FGGY: variants seen among roughly 807,000 people sequenced by gnomAD.
FGGY encodes the protein FGGY carbohydrate kinase domain-containing protein.
In FGGY, 72 loss-of-function variants were observed where a neutral mutation model predicts 71.3. The ratio of observed to expected loss-of-function variants is 1.01; its 90% CI spans 0.84 to 1.23. The LOEUF (loss-of-function observed/expected upper bound fraction) is 1.23. Ranked by LOEUF, FGGY falls within the 50% of genes most tolerant of loss-of-function variation. FGGY has a pLI of 0.00. For missense variants in FGGY, 668 were observed against 682.3 expected, an observed-to-expected ratio of 0.98 and a Z score of 0.23; for synonymous variants, 251 against 250.3, an observed-to-expected ratio of 1.00 and a Z score of -0.02.
rs2097261513 is a variant in FGGY, at chr1:59,660,209, A to C, written c.1222-10A>C. The C allele has an allele frequency of 1.9e-6, 3 of 1,612,616 alleles. No homozygotes were observed. The African/African-American group carries it at 4.0e-5, about 22-fold the overall frequency. On this transcript the variant is annotated splice_polypyrimidine_tract_variant and intron_variant, in intron 11 of 15. Coordinates refer to ENST00000303721, the MANE Select transcript of FGGY (RefSeq NM_018291.5). ...ACCATCTTCTTCTTTTCTTCCCTTCATGCCTGCAGGTCACCGGATTGAAAC... is the reference window on the plus strand; with the variant it reads ...ACCATCTTCTTCTTTTCTTCCCTTCCTGCCTGCAGGTCACCGGATTGAAAC...
chr1:59,722,620 T>A (rs1017895822), intron 14 of FGGY, among the ~76,000 whole-genome samples: 9 of 152,234 alleles, frequency 5.9e-5, no homozygotes, highest in African/African-American at 1.9e-4. Flanking sequence ...TGGCAACTCC[T>A]CAGTTGGCTC....
intron 10 of FGGY, among the ~76,000 whole-genome samples, chr1:59,631,931 C>G (rs1409573362): frequency 6.6e-6 from 1 of 152,168 alleles, no homozygotes; most frequent in Non-Finnish European, 1.5e-5. Flanking sequence ...TTCCTCTAAA[C>G]TTGATTCTCT....
chr1:59,392,318 C>T (rs1222601388), intron 5 of FGGY, among the ~76,000 whole-genome samples: 1 of 152,170 alleles, frequency 6.6e-6, no homozygotes, highest in Non-Finnish European at 1.5e-5. Context: ...GTCTTGGAAT[C>T]AAGTGGCACT....
intron 8 of FGGY, among the ~76,000 whole-genome samples, chr1:59,576,393 C>T (rs1239322298): frequency 6.6e-6 from 1 of 151,538 alleles, no homozygotes; most frequent in Non-Finnish European, 1.5e-5. Context: ...ACACTGAGGC[C>T]AGTCGGGGGG....
At chr1:59,616,027 CACTGT>C (rs2096749256) in intron 9 of FGGY, among the ~76,000 whole-genome samples, 4 of 152,138 alleles carry the variant, frequency 2.6e-5, no homozygotes, top group African/African-American at 9.7e-5. Flanking sequence ...AACACTTTTA[CACTGT>C]TGGTGGGACT....
chr1:59,354,853 C>T (rs952645044), intron 4 of FGGY, among the ~76,000 whole-genome samples: 1 of 152,152 alleles, frequency 6.6e-6, no homozygotes, highest in Non-Finnish European at 1.5e-5. Flanking sequence ...TTTGGCATAG[C>T]GAGTGTGGGC....
chr1:59,760,396 G>C (rs12028595), intron 15 of FGGY, among the ~76,000 whole-genome samples: 32,287 of 152,082 alleles, frequency 0.21, 3,841 homozygotes, highest in East Asian at 0.31. Context: ...CATTCTTCAA[G>C]AAATTAAGAA....
intron 6 of FGGY, among the ~76,000 whole-genome samples, chr1:59,486,206 G>A (rs1188162699): frequency 2.0e-5 from 3 of 152,154 alleles, no homozygotes; most frequent in Non-Finnish European, 4.4e-5. Flanking sequence ...GTTGGTCAAG[G>A]AGACAAGGCC....
chr1:59,601,957 G>A (rs1174397655), intron 8 of FGGY, among the ~76,000 whole-genome samples: 10 of 152,174 alleles, frequency 6.6e-5, no homozygotes, highest in Admixed American at 6.5e-4. Context: ...AGCAAAGTAA[G>A]TACTTCAAGA....
At chr1:59,459,070 T>C (rs1242154271) in intron 6 of FGGY, among the ~76,000 whole-genome samples, 1 of 152,208 alleles carries the variant, frequency 6.6e-6, no homozygotes, top group Non-Finnish European at 1.5e-5. Flanking sequence ...GATTTGAGCA[T>C]TAATACAATT....
At chr1:59,444,442 CTG>C (rs2070743897) in intron 5 of FGGY, among the ~76,000 whole-genome samples, 1 of 152,056 alleles carries the variant, frequency 6.6e-6, no homozygotes, top group Non-Finnish European at 1.5e-5. Context: ...TGATGAGAAA[CTG>C]TATAATACAT....
At chr1:59,730,861 A>G (rs1252543520) in intron 14 of FGGY, among the ~76,000 whole-genome samples, 1 of 152,182 alleles carries the variant, frequency 6.6e-6, no homozygotes, top group Non-Finnish European at 1.5e-5. Flanking sequence ...GACAGCACAG[A>G]CCTGTCAAAG....
chr1:59,589,069 G>C (rs539658195), intron 8 of FGGY, among the ~76,000 whole-genome samples: 3 of 152,220 alleles, frequency 2.0e-5, no homozygotes, highest in Admixed American at 6.5e-5. Flanking sequence ...GACACACATA[G>C]GCTCAAAATA....
At chr1:59,508,839 A>G (rs80232220) in intron 6 of FGGY, among the ~76,000 whole-genome samples, 1,602 of 152,342 alleles carry the variant, frequency 0.011, 31 homozygotes, top group African/African-American at 0.036. Context: ...TGGGTTTTCC[A>G]GAAGCAAAGG....
intron 9 of FGGY, among the ~76,000 whole-genome samples, chr1:59,615,941 A>G (rs1185910981): frequency 6.6e-6 from 1 of 152,220 alleles, no homozygotes; most frequent in African/African-American, 2.4e-5. Context: ...TCAAAACCAC[A>G]GTGAGATACC....
intron 1 of FGGY, chr1:59,316,194 G>T (rs1349421188): frequency 6.6e-6 from 1 of 152,172 alleles, no homozygotes; most frequent in Non-Finnish European, 1.5e-5. Context: ...CACAGGACTT[G>T]TGTACATCAA....
intron 13 of FGGY, among the ~76,000 whole-genome samples, chr1:59,667,847 C>T (rs998924226): frequency 6.6e-6 from 1 of 152,130 alleles, no homozygotes; most frequent in Non-Finnish European, 1.5e-5. Context: ...AAAAGCTTGG[C>T]GTGAGAAAAG....
At chr1:59,628,549 T>A (rs189673877) in intron 10 of FGGY, among the ~76,000 whole-genome samples, 11 of 152,324 alleles carry the variant, frequency 7.2e-5, no homozygotes, top group Non-Finnish European at 1.5e-4. Context: ...TTAATAGTAT[T>A]GTTATTTATG....
chr1:59,613,757 T>G lies in FGGY; in HGVS notation c.1011+5847T>G, dbSNP rs564583325. On this transcript the variant is annotated intron_variant, in intron 9 of 15. Coordinates refer to ENST00000303721, the MANE Select transcript of FGGY (RefSeq NM_018291.5). ...AAAATTGATAGAACGCTAGCAAGAC[T>G]AATGAAGAAGAAAAGAGAGAAGAAT... Among the ~76,000 whole-genome samples the G allele has an allele frequency of 2.6e-5, 4 of 151,970 alleles. No individual in the cohort carries two copies. The South Asian group carries it at 8.3e-4, about 32-fold the overall frequency.
Sources: allele counts gnomAD v4.1 joint callset (sites outside exome capture counted in the v4.1 genomes callset), GRCh38; gene constraint gnomAD v4.1.1; transcripts MANE v1.5; gene names NCBI Gene and HGNC (gene_info 2026-07-23, HGNC 2026-07-21).